Variants in ASPG observed in about 807,000 individuals in gnomAD.
ASPG encodes the protein asparaginase, also known as 60 kDa lysophospholipase.
A neutral mutation model predicts 63.2 loss-of-function variants in ASPG; 53 were observed. The observed-to-expected ratio is 0.84, with a 90% CI of 0.67 to 1.05. The LOEUF is 1.05. Among genes scored for constraint, ASPG ranks in the 50% least tolerant of loss-of-function variants. The pLI is 0.00. For synonymous variants in ASPG, 370 were observed against 355.0 expected (o/e 1.04, Z -0.48); for missense variants, 741 against 794.4 (o/e 0.93, Z 0.81).
At position 104,090,394 on chromosome 14, in the gene ASPG, C is replaced by T. The variant is rs376638231; in HGVS notation, c.83-2239C>T. Among the ~76,000 whole-genome samples the T allele has an allele frequency of 8.4e-4, 128 of 152,378 alleles. 1 individual carries two copies. The highest frequency in any genetic ancestry group is 2.9e-3 in the African/African-American group (120 of 41,590). On this transcript the variant is annotated intron_variant, in intron 1 of 15. Coordinates refer to ENST00000551177, the MANE Select transcript of ASPG (RefSeq NM_001080464.3). ...CATAAGGCACCCCAGCTTCACCCGC[C>T]GTGATGAGTGGAGAGTGACTTTTTG...
intron 1 of ASPG, among the ~76,000 whole-genome samples, chr14:104,090,251 A>ATTCCTGGAAG (rs2036329170): frequency 6.6e-6 from 1 of 152,210 alleles, no homozygotes; most frequent in Admixed American, 6.5e-5. Flanking sequence ...ACTCTGCAGC[A>ATTCCTGGAAG]TTCCTGGAAG....
intron 1 of ASPG, among the ~76,000 whole-genome samples, chr14:104,088,955 T>C (rs756755385): frequency 2.0e-5 from 3 of 152,136 alleles, no homozygotes; most frequent in South Asian, 2.1e-4. Context: ...AGGGCCCTCA[T>C]TGAGAAAAGT....
Position 104,111,062 on chromosome 14 carries a change from G to A in ASPG, c.1521-440G>A, listed in dbSNP as rs116173839. The A allele has an allele frequency of 3.2e-3, 3,121 of 985,450 alleles. 78 individuals carry two copies. The African/African-American group carries it at 0.052, about 16-fold the overall frequency. 61.0% of individuals were successfully genotyped at this position (985,450 alleles called of 1,614,324 possible). On this transcript the variant is annotated intron_variant, in intron 13 of 15. Transcript: ENST00000551177. ...CTTCCACCTTTGCGGACCCCGCCCC[G>A]GGAAGAGCGGTGTGTTGTGTAACAC...
chr14:104,099,837 G>A (rs2036793100), intron 6 of ASPG, among the ~76,000 whole-genome samples: 1 of 152,234 alleles, frequency 6.6e-6, no homozygotes, highest in Non-Finnish European at 1.5e-5. Flanking sequence ...CAGCCCCGGG[G>A]AGGCTCCAGG....
chr14:104,105,081 T>C, intron 9 of ASPG: 1 of 611,648 alleles, frequency 1.6e-6, no homozygotes. Context: ...GACCCTTGGG[T>C]TGCCAGCCTC....
chr14:104,113,177 C>A lies in ASPG; in HGVS notation c.*633C>A. ...GCCACACCAGGGCTCCATAGGGCTG[C>A]GGAAGCCTGTGAGTGTCAAGGGGGC... On this transcript the variant is annotated 3_prime_UTR_variant, in exon 16 of 16. Transcript: ENST00000551177. 1 of 160,652 alleles carries A rather than the reference C, an allele frequency of 6.2e-6. No homozygotes were observed. The highest frequency in any genetic ancestry group is 1.4e-5 in the Non-Finnish European group (1 of 73,136). The allele number at this position is 160,652 out of a possible 1,614,324, so 10.0% of individuals were successfully genotyped here.
intron 6 of ASPG, 65 bp from the exon 7 acceptor site, chr14:104,103,498 A>G (rs2036973641): frequency 7.1e-7 from 1 of 1,412,012 alleles, no homozygotes; most frequent in African/African-American, 1.4e-5. Context: ...AGGGCCAGGC[A>G]CTGGGCTGGG....
At chr14:104,111,308 C>T in intron 13 of ASPG, 194 bp from the exon 14 acceptor site, 3 of 726,228 alleles carry the variant, frequency 4.1e-6, no homozygotes, top group Non-Finnish European at 5.1e-6. Flanking sequence ...CGCAGTCCCA[C>T]CCACTGGGTG....
At chr14:104,097,526 C>G (rs1419412527) in intron 4 of ASPG, 28 bp from the exon 5 acceptor site, 1 of 1,547,278 alleles carries the variant, frequency 6.5e-7, no homozygotes, top group Non-Finnish European at 8.7e-7. Context: ...CTTCCCAGGC[C>G]TCAGCTACTC....
chr14:104,108,253 G>A (rs978262744), intron 12 of ASPG: 2 of 183,316 alleles, frequency 1.1e-5, no homozygotes, highest in Non-Finnish European at 1.0e-5. Flanking sequence ...TGGTGGACAG[G>A]AGGGGGCGGG....
chr14:104,111,003 C>T (rs1472285517), intron 13 of ASPG: 2 of 985,446 alleles, frequency 2.0e-6, no homozygotes, highest in East Asian at 1.1e-4. Context: ...TCCTGTGTCC[C>T]CCTCTCTGAA....
intron 1 of ASPG, among the ~76,000 whole-genome samples, chr14:104,089,166 G>T (rs1389770702): frequency 6.6e-6 from 1 of 151,882 alleles, no homozygotes; most frequent in Non-Finnish European, 1.5e-5. Flanking sequence ...GACTACAGGC[G>T]CCCGCCACCG....
Position 104,104,628 on chromosome 14 carries a change from G to T in ASPG, c.943G>T (p.Ala315Ser), listed in dbSNP as rs2037036306. The change falls in exon 9 of 16, where the codon GCG (alanine) becomes TCG (serine). Residue 315 changes from alanine to serine, a missense_variant. Transcript: ENST00000551177. ...TTDYAAGMAM[A>S]GAGVISGFDM... The stretch of plus-strand genomic sequence containing the variant: ...ACACGCCCCCTCCTCACAGGCCATG[G>T]CGGGAGCCGGCGTCATCTCAGGCTT... The T allele has an allele frequency of 6.2e-7, 1 of 1,607,632 alleles. No homozygotes were observed. The highest frequency in any genetic ancestry group is 1.7e-5 in the Admixed American group (1 of 59,724).
Position 104,109,815 on chromosome 14 carries a change from G to A in ASPG, c.1520+500G>A, listed in dbSNP as rs2037310542. ...CCTGGGATAAACTGACCTAGGCCCC[G>A]CCTCCACCTGCTGGCCGCATGGCAC... On this transcript the variant is annotated intron_variant, in intron 13 of 15. Transcript: ENST00000551177. This position sits in a 1 kb window ranked among gnomAD's most constrained non-coding sequence, Gnocchi z 4.8. Among the ~76,000 whole-genome samples the A allele has an allele frequency of 1.3e-5, 2 of 151,998 alleles. No individual in the cohort carries two copies. The highest frequency in any genetic ancestry group is 4.8e-5 in the African/African-American group (2 of 41,344).
chr14:104,110,950 G>T lies in ASPG; in HGVS notation c.1521-552G>T. The T allele has an allele frequency of 1.0e-5, 10 of 985,382 alleles. No homozygotes were observed. The highest frequency in any genetic ancestry group is 1.2e-5 in the Non-Finnish European group (10 of 829,910). The allele number at this position is 985,382 out of a possible 1,614,324, so 61.0% of individuals were successfully genotyped here. ...CCTGTCCCAGCCAGGACCCCCCCAT[G>T]CAGTCTGCCGGGGTCCAGGGCCAAC... On this transcript the variant is annotated intron_variant, in intron 13 of 15. Transcript: ENST00000551177. The surrounding 1 kb of genome is among the most constrained non-coding windows in gnomAD (Gnocchi z 4.7).
At chr14:104,087,165 C>T (rs1242519171) in intron 1 of ASPG, among the ~76,000 whole-genome samples, 4 of 152,214 alleles carry the variant, frequency 2.6e-5, no homozygotes, top group African/African-American at 4.8e-5. Flanking sequence ...GGCTCGTCCA[C>T]GAGGGACTCA....
intron 7 of ASPG, 33 bp downstream of exon 7, chr14:104,103,708 G>A: frequency 6.5e-7 from 1 of 1,529,674 alleles, no homozygotes; most frequent in Non-Finnish European, 8.8e-7. Flanking sequence ...TGCCCCTGCA[G>A]CCCTGAGCCC....
rs546579958 is a variant in ASPG at position 104,114,867 on chromosome 14, G to T, written c.*2323G>T. The T allele has an allele frequency of 2.6e-5, 4 of 152,382 alleles. No individual in the cohort carries two copies. In the South Asian group the frequency reaches 6.2e-4, roughly 24 times the overall value. 9.4% of individuals were successfully genotyped at this position (152,382 alleles called of 1,614,324 possible). A position where few individuals can be genotyped will look rare whatever the true frequency, so the allele number is the denominator to read the frequency against. ...CCCCGTCCTGCGCCCAGGGCTCTGC[G>T]TTGGCACAGGGCAGAGCTGGGCTGT... On this transcript the variant is annotated 3_prime_UTR_variant, in exon 16 of 16. Coordinates refer to ENST00000551177, the MANE Select transcript of ASPG (RefSeq NM_001080464.3).
At position 104,109,968 on chromosome 14, in the gene ASPG, T is replaced by G; in HGVS notation, c.1520+653T>G. 1.0e-6 allele frequency: 1 copy of G among 985,182 alleles called. No homozygotes were observed. The allele number at this position is 985,182 out of a possible 1,614,324, so 61.0% of individuals were successfully genotyped here. ...AGGCCTTCGGCGAGGGTGTCGGTTG[T>G]GGGTGGAGGTGGGCCAGGGATGCAG... On this transcript the variant is annotated intron_variant, in intron 13 of 15. Transcript: ENST00000551177. The surrounding 1 kb of genome is among the most constrained non-coding windows in gnomAD (Gnocchi z 4.8).
Sources: allele counts gnomAD v4.1 joint callset (sites outside exome capture counted in the v4.1 genomes callset), GRCh38; gene constraint gnomAD v4.1.1; non-coding constraint Gnocchi (gnomAD v3.1); transcripts MANE v1.5; gene names NCBI Gene and HGNC (gene_info 2026-07-23, HGNC 2026-07-21).